The following CNOT7 variants were observed in gnomAD, a reference collection of about 807,000 sequenced individuals.
CNOT7 encodes the protein CCR4-NOT transcription complex subunit 7, also known as BTG1-binding factor 1.
Under a neutral mutation model 37.1 loss-of-function variants are expected in CNOT7, and 4 were observed. That is an observed-to-expected ratio of 0.11 (90% CI 0.05 to 0.25). The LOEUF (loss-of-function observed/expected upper bound fraction) is 0.25, where lower values mean the gene tolerates loss of function less well. Among genes scored for constraint, CNOT7 ranks in the 10% least tolerant of loss-of-function variants. CNOT7 has a pLI of 1.00. For synonymous variants in CNOT7, 128 were observed against 115.6 expected (o/e 1.11, Z -0.69); for missense variants, 170 against 336.2 (o/e 0.51, Z 3.87).
chr8:17,230,671 A>T lies in CNOT7; in HGVS notation c.*49T>A. 8 of 1,536,956 alleles carry T rather than the reference A, an allele frequency of 5.2e-6. No individual in the cohort carries two copies. Among genetic ancestry groups the T allele is most frequent in the Non-Finnish European group, 7.0e-6 (8 of 1,137,682 alleles). ...GGATTCAACCAGAGATAAAACCTAT[A>T]TACAAGCATGTGTGTAGCTCGAAAT... On this transcript the variant is annotated 3_prime_UTR_variant, in exon 7 of 7. Coordinates refer to ENST00000361272, the MANE Select transcript of CNOT7 (RefSeq NM_013354.7).
chr8:17,226,642 A>C lies in CNOT7; in HGVS notation c.*4078T>G, dbSNP rs575531790. 6.6e-6 allele frequency: 1 copy of C among 151,912 alleles called. No homozygotes were observed. The highest frequency in any genetic ancestry group is 1.9e-4 in the East Asian group (1 of 5,176). The allele number at this position is 151,912 out of a possible 1,614,324, so 9.4% of individuals were successfully genotyped here. Reference sequence around the variant, plus strand: ...GCATCAAGGTCCAAAAAACTGCTACAGGAAAATATATCCACTAAAAATGGA... The same window carrying C: ...GCATCAAGGTCCAAAAAACTGCTACCGGAAAATATATCCACTAAAAATGGA... On this transcript the variant is annotated 3_prime_UTR_variant, in exon 7 of 7. Coordinates refer to ENST00000361272, the MANE Select transcript of CNOT7 (RefSeq NM_013354.7).
At chr8:17,234,059 A>T (rs987713204) in intron 5 of CNOT7, among the ~76,000 whole-genome samples, 2 of 152,198 alleles carry the variant, frequency 1.3e-5, no homozygotes, top group African/African-American at 4.8e-5. Flanking sequence ...CGTCTCAAAA[A>T]CAAAAAAAGA....
At chr8:17,242,773 C>T (rs6995500) in intron 3 of CNOT7, 20,706 of 364,890 alleles carry the variant, frequency 0.057, 817 homozygotes, top group African/African-American at 0.14. Context: ...ACAAAAAAAG[C>T]TGCAGTCATA....
chr8:17,236,651 C>T (rs1809402286), intron 4 of CNOT7, among the ~76,000 whole-genome samples: 1 of 152,168 alleles, frequency 6.6e-6, no homozygotes, highest in African/African-American at 2.4e-5. Flanking sequence ...CTAGCATTTT[C>T]TTTGCTGTTT....
intron 3 of CNOT7, among the ~76,000 whole-genome samples, chr8:17,239,624 T>TG (rs1316348473): frequency 6.6e-6 from 1 of 152,170 alleles, no homozygotes; most frequent in Non-Finnish European, 1.5e-5. Flanking sequence ...CCCGAGTAGC[T>TG]GGGACTACAG....
chr8:17,232,993 A>G (rs1808829008), intron 5 of CNOT7, among the ~76,000 whole-genome samples: 1 of 152,246 alleles, frequency 6.6e-6, no homozygotes, highest in Non-Finnish European at 1.5e-5. Flanking sequence ...CATTATGAAT[A>G]ATCATTAAGA....
chr8:17,227,734 T>A lies in CNOT7; in HGVS notation c.*2986A>T, dbSNP rs763186682. 2 of 151,926 alleles carry A rather than the reference T, an allele frequency of 1.3e-5. No homozygotes were observed. The highest frequency in any genetic ancestry group is 2.9e-5 in the Non-Finnish European group (2 of 67,822). The allele number at this position is 151,926 out of a possible 1,614,324, so 9.4% of individuals were successfully genotyped here. On this transcript the variant is annotated 3_prime_UTR_variant, in exon 7 of 7. Transcript: ENST00000361272. ...TGTCAGTCTATTCTTTTACCAGTTATGGTGACACTGCATTATAAACACAAT... is the reference window on the plus strand; with the variant it reads ...TGTCAGTCTATTCTTTTACCAGTTAAGGTGACACTGCATTATAAACACAAT...
At chr8:17,243,936 T>C (rs1810534663) in intron 2 of CNOT7, among the ~76,000 whole-genome samples, 1 of 152,258 alleles carries the variant, frequency 6.6e-6, no homozygotes, top group African/African-American at 2.4e-5. Flanking sequence ...TGTTTATTTT[T>C]ATTAAAAATA....
chr8:17,243,202 A>T lies in CNOT7; in HGVS notation c.118-17T>A, dbSNP rs767220899. 1 of 1,572,522 alleles carries T rather than the reference A, an allele frequency of 6.4e-7. No homozygotes were observed. The highest frequency in any genetic ancestry group is 1.2e-5 in the South Asian group (1 of 83,422). On this transcript the variant is annotated splice_polypyrimidine_tract_variant and intron_variant, in intron 2 of 6. Transcript: ENST00000361272. ...CTCGGTGTCCTGTAAAATAGTTTTAAGATTCATTATGTACTAAACAGTCAA... is the reference window on the plus strand; with the variant it reads ...CTCGGTGTCCTGTAAAATAGTTTTATGATTCATTATGTACTAAACAGTCAA...
In CNOT7 at chr8:17,228,949, A is replaced by C. The variant is rs1808333623; in HGVS notation, c.*1771T>G. On this transcript the variant is annotated 3_prime_UTR_variant, in exon 7 of 7. Transcript: ENST00000361272. ...TTTTTTAAAAAGCCACAGTTATACC[A>C]AATGTATTTACTTTGTGAAGTATAT... 1 of 151,974 alleles carries C rather than the reference A, an allele frequency of 6.6e-6. No individual in the cohort carries two copies. Among genetic ancestry groups the C allele is most frequent in the South Asian group, 2.1e-4 (1 of 4,832 alleles). The allele number at this position is 151,974 out of a possible 1,614,324, so 9.4% of individuals were successfully genotyped here. A position where few individuals can be genotyped will look rare whatever the true frequency, so the allele number is the denominator to read the frequency against.
intron 4 of CNOT7, among the ~76,000 whole-genome samples, chr8:17,235,184 C>T (rs932565847): frequency 6.6e-6 from 1 of 152,074 alleles, no homozygotes; most frequent in African/African-American, 2.4e-5. Flanking sequence ...AAGCTGCCCA[C>T]AGATGTCTCA....
chr8:17,242,860 G>C (rs953217013), intron 3 of CNOT7, 132 bp downstream of exon 3: 1 of 510,920 alleles, frequency 2.0e-6, no homozygotes, highest in Non-Finnish European at 3.4e-6. Flanking sequence ...CTTTTGAAAT[G>C]TTACGTTTTA....
intron 5 of CNOT7, among the ~76,000 whole-genome samples, chr8:17,233,098 C>T (rs936355813): frequency 9.9e-5 from 15 of 151,802 alleles, no homozygotes; most frequent in African/African-American, 3.6e-4. Flanking sequence ...TATGTTAATA[C>T]TCCTAAGATT....
chr8:17,244,640 C>G (rs902445092), intron 2 of CNOT7: 3 of 157,644 alleles, frequency 1.9e-5, no homozygotes, highest in African/African-American at 7.2e-5. Context: ...CAGCTTTAAC[C>G]TCATTCTAGT....
intron 6 of CNOT7, chr8:17,232,078 T>A: frequency 3.0e-6 from 3 of 1,015,364 alleles, no homozygotes; most frequent in Non-Finnish European, 3.6e-6. Flanking sequence ...CCAATGGGAG[T>A]CAGAAAAGAA....
intron 1 of CNOT7, chr8:17,246,003 C>T (rs1421100445): frequency 6.6e-6 from 1 of 151,208 alleles, no homozygotes; most frequent in Non-Finnish European, 1.5e-5. Flanking sequence ...GTCTTCTAAA[C>T]TCTGAAGAGT....
intron 3 of CNOT7, among the ~76,000 whole-genome samples, chr8:17,237,812 C>T (rs1289702726): frequency 6.6e-6 from 1 of 152,220 alleles, no homozygotes; most frequent in East Asian, 1.9e-4. Flanking sequence ...CCCGTGCTCT[C>T]AGCAGCACCA....
intron 3 of CNOT7, among the ~76,000 whole-genome samples, chr8:17,238,509 CTTTTTTT>C (rs75080604): frequency 1.4e-5 from 2 of 139,402 alleles, no homozygotes; most frequent in South Asian, 4.7e-4. Context: ...GAAGTAGTTT[CTTTTTTT>C]TTTTTTTTTT....
In CNOT7 at chr8:17,227,230, G is replaced by C. The variant is rs562984220; in HGVS notation, c.*3490C>G. 1 of 151,744 alleles carries C rather than the reference G, an allele frequency of 6.6e-6. No individual in the cohort carries two copies. Among genetic ancestry groups the C allele is most frequent in the Non-Finnish European group, 1.5e-5 (1 of 67,802 alleles). 9.4% of individuals were successfully genotyped at this position (151,744 alleles called of 1,614,324 possible). A position where few individuals can be genotyped will look rare whatever the true frequency, so the allele number is the denominator to read the frequency against. On this transcript the variant is annotated 3_prime_UTR_variant, in exon 7 of 7. Coordinates refer to ENST00000361272, the MANE Select transcript of CNOT7 (RefSeq NM_013354.7). The stretch of plus-strand genomic sequence containing the variant: ...TGCTTCATGCATTTTTCCCAGCATC[G>C]GTTGCATCACATCTTAGTAGATTCC...
Sources: allele counts gnomAD v4.1 joint callset (sites outside exome capture counted in the v4.1 genomes callset), GRCh38; gene constraint gnomAD v4.1.1; transcripts MANE v1.5; gene names NCBI Gene and HGNC (gene_info 2026-07-23, HGNC 2026-07-21).